CDH4: variants seen among roughly 807,000 people sequenced by gnomAD.
CDH4 encodes cadherin-4.
CDH4 carries 33 observed loss-of-function variants against 86.0 expected under a neutral mutation model. The ratio of observed to expected loss-of-function variants is 0.38; its 90% CI spans 0.29 to 0.51. CDH4 has a LOEUF of 0.51. Ranked by LOEUF, CDH4 falls within the 20% of genes least tolerant of loss-of-function variation. The pLI is 0.86. For synonymous variants in CDH4, 555 were observed against 549.4 expected, an observed-to-expected ratio of 1.01 and a Z score of -0.14; for missense variants, 1,114 against 1,307.4, an observed-to-expected ratio of 0.85 and a Z score of 2.28.
At chr20:61,816,688 T>TGG (rs150549926) in intron 4 of CDH4, among the ~76,000 whole-genome samples, 389 of 144,476 alleles carry the variant, frequency 2.7e-3, no homozygotes, top group Middle Eastern at 0.022. Flanking sequence ...GCACGTTAAA[T>TGG]GGGGGGGGGC....
intron 2 of CDH4, among the ~76,000 whole-genome samples, chr20:61,619,530 A>G (rs915151577): frequency 3.3e-5 from 5 of 152,226 alleles, no homozygotes; most frequent in Non-Finnish European, 5.9e-5. Flanking sequence ...TGAACCATCC[A>G]CTGCTGGCCC....
chr20:61,821,758 C>A (rs1981056047), intron 4 of CDH4, among the ~76,000 whole-genome samples: 1 of 152,374 alleles, frequency 6.6e-6, no homozygotes, highest in African/African-American at 2.4e-5. Flanking sequence ...GGAAAAAATC[C>A]TACAATTGTA....
chr20:61,932,828 C>T (rs1349383735), intron 13 of CDH4, among the ~76,000 whole-genome samples, 157 bp from the exon 14 acceptor site: 1 of 152,226 alleles, frequency 6.6e-6, no homozygotes, highest in Non-Finnish European at 1.5e-5. Context: ...TGTGCAGAGA[C>T]ATGCGCGTGT....
intron 2 of CDH4, among the ~76,000 whole-genome samples, chr20:61,714,990 G>GT (rs2087937696): frequency 6.6e-6 from 1 of 152,160 alleles, no homozygotes; most frequent in Admixed American, 6.5e-5. Flanking sequence ...TCTCCATGCT[G>GT]TTTTCCATAG....
chr20:61,713,785 G>A lies in CDH4; in HGVS notation c.170-29778G>A, dbSNP rs746812120. Among the ~76,000 whole-genome samples, 18 of 152,290 alleles carry A rather than the reference G, an allele frequency of 1.2e-4. 1 individual carries two copies. Among genetic ancestry groups the A allele is most frequent in the Middle Eastern group, 3.4e-3 (1 of 294 alleles). On this transcript the variant is annotated intron_variant, in intron 2 of 15. Transcript: ENST00000614565. ...CTGCCTTTCGTGATACCTCAAAATG[G>A]AAAGTTAGAAAGCAGCCCCTACGTG... is the stretch of plus-strand genomic sequence containing the variant.
chr20:61,660,151 G>A (rs1210569605), intron 2 of CDH4, among the ~76,000 whole-genome samples: 3 of 152,128 alleles, frequency 2.0e-5, no homozygotes, highest in African/African-American at 4.8e-5. Context: ...GTGACGTGGC[G>A]ACCTTCCTTT....
intron 2 of CDH4, among the ~76,000 whole-genome samples, chr20:61,445,558 T>TC (rs1019973418): frequency 8.8e-5 from 13 of 147,888 alleles, no homozygotes; most frequent in Admixed American, 4.0e-4. Context: ...CGGCCCCTCC[T>TC]CCCCCTCTCC....
chr20:61,389,251 C>T (rs751708162), intron 2 of CDH4, among the ~76,000 whole-genome samples: 1 of 152,220 alleles, frequency 6.6e-6, no homozygotes, highest in East Asian at 1.9e-4. Flanking sequence ...TTGGGCGGCT[C>T]GTTCCTGGCT....
intron 2 of CDH4, among the ~76,000 whole-genome samples, chr20:61,566,902 T>C (rs1235397566): frequency 6.6e-6 from 1 of 152,124 alleles, no homozygotes; most frequent in Admixed American, 6.5e-5. Context: ...AATGCGGGAA[T>C]GGACTGCGTG....
chr20:61,851,838 T>G (rs751777623), intron 5 of CDH4, among the ~76,000 whole-genome samples: 2 of 152,030 alleles, frequency 1.3e-5, no homozygotes, highest in Non-Finnish European at 2.9e-5. Flanking sequence ...GATGGCTTCT[T>G]CTCTTCCCGG....
intron 2 of CDH4, among the ~76,000 whole-genome samples, chr20:61,679,713 A>G (rs979892759): frequency 2.6e-5 from 4 of 152,204 alleles, no homozygotes; most frequent in Non-Finnish European, 5.9e-5. Flanking sequence ...GCCAAGGCCC[A>G]GGAGGGAGCC....
intron 2 of CDH4, chr20:61,599,661 A>T (rs987714995): frequency 9.0e-6 from 2 of 221,594 alleles, no homozygotes; most frequent in Non-Finnish European, 1.5e-5. Flanking sequence ...TCCCAGTGAA[A>T]GACACAGAGT....
intron 2 of CDH4, among the ~76,000 whole-genome samples, chr20:61,405,812 C>T (rs2085078426): frequency 6.6e-6 from 1 of 151,982 alleles, no homozygotes; most frequent in Non-Finnish European, 1.5e-5. Flanking sequence ...TCCCGAGTAG[C>T]TGGGACTACA....
At chr20:61,256,607 G>A (rs182746933) in intron 2 of CDH4, among the ~76,000 whole-genome samples, 27 of 152,320 alleles carry the variant, frequency 1.8e-4, no homozygotes, top group African/African-American at 6.5e-4. Flanking sequence ...GGTGGTGTTC[G>A]CCTCGTGGGG....
chr20:61,268,805 T>G (rs967964454), intron 2 of CDH4, among the ~76,000 whole-genome samples: 1 of 152,172 alleles, frequency 6.6e-6, no homozygotes, highest in African/African-American at 2.4e-5. Flanking sequence ...CAGATGCCAG[T>G]GCCATACTTC....
At chr20:61,876,638 A>C (rs977353484) in intron 7 of CDH4, among the ~76,000 whole-genome samples, 2 of 152,144 alleles carry the variant, frequency 1.3e-5, no homozygotes, top group Non-Finnish European at 1.5e-5. Context: ...TCGTATTATA[A>C]TGATAAGCTG....
At chr20:61,906,500 G>A (rs2054789849) in intron 8 of CDH4, among the ~76,000 whole-genome samples, 2 of 152,248 alleles carry the variant, frequency 1.3e-5, no homozygotes, top group Admixed American at 1.3e-4. Flanking sequence ...GCTACAGAGG[G>A]CTGCCAAGTG....
intron 2 of CDH4, among the ~76,000 whole-genome samples, chr20:61,328,341 A>G (rs1216533584): frequency 3.3e-5 from 5 of 152,034 alleles, no homozygotes; most frequent in Admixed American, 3.3e-4. Context: ...ATGCCTGGCT[A>G]ATTTTTTGTA....
intron 2 of CDH4, among the ~76,000 whole-genome samples, chr20:61,296,966 A>G (rs971419478): frequency 6.6e-6 from 1 of 152,182 alleles, no homozygotes; most frequent in Non-Finnish European, 1.5e-5. Context: ...GCTCTGAGCG[A>G]CAGAACTGGG....
Sources: allele counts gnomAD v4.1 joint callset (sites outside exome capture counted in the v4.1 genomes callset), GRCh38; gene constraint gnomAD v4.1.1; transcripts MANE v1.5; gene names NCBI Gene and HGNC (gene_info 2026-07-23, HGNC 2026-07-21).